BLTP3B: variants seen among roughly 807,000 people sequenced by gnomAD.
BLTP3B encodes bridge-like lipid transfer protein family member 3B.
the BLTP3B span, chr12:100,058,786 G>T: frequency 4.9e-3 from 7,896 of 1,613,972 alleles, 530 homozygotes; most frequent in Admixed American, 0.12. Flanking sequence ...AGTGACTCAT[G>T]CAGGAAAAGT....
At chr12:100,065,183 A>T in the BLTP3B span, among the ~76,000 whole-genome samples, 1 of 152,146 alleles carries the variant, frequency 6.6e-6, no homozygotes, top group Non-Finnish European at 1.5e-5. Flanking sequence ...TTAATCTCTT[A>T]ATCCTGTTAT....
chr12:100,123,876 G>A, the BLTP3B span, among the ~76,000 whole-genome samples: 1 of 151,856 alleles, frequency 6.6e-6, no homozygotes, highest in Non-Finnish European at 1.5e-5. Context: ...AACATTTAAA[G>A]AATGAAAGAA....
chr12:100,136,811 T>C, the BLTP3B span, among the ~76,000 whole-genome samples: 2 of 148,746 alleles, frequency 1.3e-5, no homozygotes, highest in African/African-American at 5.2e-5. Context: ...CTTTTTTTTC[T>C]TTTTTTTTAT....
chr12:100,073,332 A>G, the BLTP3B span, among the ~76,000 whole-genome samples: 1 of 151,810 alleles, frequency 6.6e-6, no homozygotes, highest in East Asian at 1.9e-4. Context: ...CTTAACGACA[A>G]TTATTATATA....
At chr12:100,142,678 C>T in the BLTP3B span, 1 of 1,591,078 alleles carries the variant, frequency 6.3e-7, no homozygotes, top group Non-Finnish European at 8.5e-7. Context: ...CTGTTGCTCA[C>T]TGCCTCCTCT....
the BLTP3B span, among the ~76,000 whole-genome samples, chr12:100,061,611 C>T: frequency 3.4e-5 from 5 of 147,024 alleles, no homozygotes; most frequent in East Asian, 4.0e-4. Flanking sequence ...GAGCCGAGAT[C>T]GCGCCACTGC....
the BLTP3B span, among the ~76,000 whole-genome samples, chr12:100,119,453 T>C: frequency 6.6e-6 from 1 of 152,108 alleles, no homozygotes; most frequent in East Asian, 1.9e-4. Context: ...GATTCTAAAA[T>C]TTTCATGAAA....
chr12:100,091,029 CTTTTTTTTTTT>C, the BLTP3B span, among the ~76,000 whole-genome samples: 1 of 139,816 alleles, frequency 7.2e-6, no homozygotes, highest in Admixed American at 7.3e-5. Flanking sequence ...ATGAATAATC[CTTTTTTTTTTT>C]TTTTGAGGCA....
At chr12:100,130,472 C>CCTTAAGTTCATTT in the BLTP3B span, among the ~76,000 whole-genome samples, 1 of 152,134 alleles carries the variant, frequency 6.6e-6, no homozygotes. Flanking sequence ...TCCTTAAGTA[C>CCTTAAGTTCATTT]TGGTAGGAAT....
chr12:100,054,211 G>A, the BLTP3B span, among the ~76,000 whole-genome samples: 1 of 152,048 alleles, frequency 6.6e-6, no homozygotes, highest in African/African-American at 2.4e-5. Flanking sequence ...ATTTTATATA[G>A]GCTTAAAAAT....
chr12:100,135,169 T>C, the BLTP3B span, among the ~76,000 whole-genome samples: 1 of 152,216 alleles, frequency 6.6e-6, no homozygotes, highest in Non-Finnish European at 1.5e-5. Flanking sequence ...TTGGTGGTCT[T>C]CGTATGTTTT....
chr12:100,133,295 C>G, the BLTP3B span, among the ~76,000 whole-genome samples: 1 of 152,030 alleles, frequency 6.6e-6, no homozygotes, highest in Non-Finnish European at 1.5e-5. Context: ...AAATAAATTA[C>G]CCAGCCCCAT....
chr12:100,044,098 G>GT, the BLTP3B span, among the ~76,000 whole-genome samples: 22 of 151,762 alleles, frequency 1.4e-4, no homozygotes, highest in African/African-American at 2.7e-4. Context: ...GTTTTGTTTT[G>GT]TTTTTTTTAA....
the BLTP3B span, chr12:100,037,085 T>C: frequency 2.4e-5 from 21 of 880,068 alleles, no homozygotes; most frequent in Non-Finnish European, 2.6e-5. Flanking sequence ...TCCAAACCCA[T>C]TAATTATATA....
chr12:100,063,701 G>A, the BLTP3B span, among the ~76,000 whole-genome samples: 7 of 130,554 alleles, frequency 5.4e-5, no homozygotes, highest in Non-Finnish European at 7.9e-5. Context: ...AGTGAACTCC[G>A]TCTCAAAAAA....
the BLTP3B span, among the ~76,000 whole-genome samples, chr12:100,065,257 T>C: frequency 1.3e-5 from 2 of 152,078 alleles, no homozygotes; most frequent in South Asian, 4.2e-4. Context: ...ACTATACAAA[T>C]TGATTGAAAA....
chr12:100,051,332 C>T, the BLTP3B span: 540 of 914,346 alleles, frequency 5.9e-4, 3 homozygotes, highest in African/African-American at 8.3e-3. Context: ...TTCTCAAGCA[C>T]TGCCTCCTTT....
the BLTP3B span, among the ~76,000 whole-genome samples, chr12:100,065,343 G>A: frequency 1.3e-5 from 2 of 151,956 alleles, no homozygotes; most frequent in Non-Finnish European, 2.9e-5. Flanking sequence ...CAGGGAACAA[G>A]GGAAGACAAC....
chr12:100,142,764 C>T, the BLTP3B span: 1 of 1,382,622 alleles, frequency 7.2e-7, no homozygotes, highest in Non-Finnish European at 9.6e-7. Context: ...CCGGGAGAGA[C>T]CCAAGGCCCC....
Sources: allele counts gnomAD v4.1 joint callset (sites outside exome capture counted in the v4.1 genomes callset), GRCh38; gene constraint gnomAD v4.1.1; transcripts MANE v1.5; gene names NCBI Gene and HGNC (gene_info 2026-07-23, HGNC 2026-07-21).